The following CYB5R4 variants were observed in gnomAD, a reference collection of about 807,000 sequenced individuals.
CYB5R4 encodes N-terminal cytochrome b5 and cytochrome b5 oxidoreductase domain-containing protein.
A neutral mutation model predicts 70.2 loss-of-function variants in CYB5R4; 55 were observed. The observed-to-expected ratio is 0.78, with a 90% CI of 0.63 to 0.98. The LOEUF is 0.98. Ranked by LOEUF, CYB5R4 falls within the 50% of genes least tolerant of loss-of-function variation. The probability of loss-of-function intolerance (pLI) is 0.00; values close to 1 mark genes in which losing one functional copy is unlikely to be tolerated. For missense variants in CYB5R4, 562 were observed against 612.6 expected (o/e 0.92, Z 0.87); for synonymous variants, 197 against 199.5 (o/e 0.99, Z 0.11).
chr6:83,938,392 C>T lies in CYB5R4; in HGVS notation c.1109-1664C>T, dbSNP rs61756903. ...CTTCATTTAGGGAGGCTTGACATGG[C>T]ACAAATATTTGTGTCACTTAGAGAG... On this transcript the variant is annotated intron_variant, in intron 12 of 15. Transcript: ENST00000369681. Among the ~76,000 whole-genome samples, 696 of 152,282 alleles carry T rather than the reference C, an allele frequency of 4.6e-3. 3 individuals are homozygous for T. Among genetic ancestry groups the T allele is most frequent in the African/African-American group, 0.016 (652 of 41,546 alleles).
intron 12 of CYB5R4, among the ~76,000 whole-genome samples, chr6:83,936,768 G>A (rs1262787731): frequency 6.6e-6 from 1 of 152,014 alleles, no homozygotes; most frequent in African/African-American, 2.4e-5. Flanking sequence ...CTACTGCTTC[G>A]CAGCTTTGAA....
chr6:83,942,011 GC>G (rs1455688875), intron 14 of CYB5R4, among the ~76,000 whole-genome samples: 1 of 152,142 alleles, frequency 6.6e-6, no homozygotes, highest in Non-Finnish European at 1.5e-5. Flanking sequence ...AGTATTGTGA[GC>G]TTTGGAGAAG....
intron 2 of CYB5R4, among the ~76,000 whole-genome samples, chr6:83,886,097 C>A (rs1219442984): frequency 6.6e-6 from 1 of 152,190 alleles, no homozygotes. Flanking sequence ...CAGGCCACAT[C>A]TTGTGAGAGC....
chr6:83,915,090 C>A (rs2099465286), intron 5 of CYB5R4, among the ~76,000 whole-genome samples: 1 of 152,000 alleles, frequency 6.6e-6, no homozygotes, highest in Admixed American at 6.6e-5. Flanking sequence ...ATACACATGC[C>A]AAATAGTTTA....
rs1562823477 is a variant in CYB5R4 at position 83,859,803 on chromosome 6, G to T, written c.21G>T (p.Gln7His). The part of the protein sequence containing the change: MLNVPS[Q>H]SFPAPRSQQR... ...TGAAGATGCTGAACGTCCCTTCCCA[G>T]TCTTTCCCGGCCCCCAGGTCGCAGC... The change falls in exon 1 of 16, where the codon CAG (glutamine) becomes CAT (histidine). Residue 7 changes from glutamine (Q) to histidine (H), a missense_variant. By Grantham distance (24) the Gln-to-His change is conservative. Transcript: ENST00000369681. 6.2e-7 allele frequency: 1 copy of T among 1,613,442 alleles called. No individual in the cohort carries two copies. Among genetic ancestry groups the T allele is most frequent in the African/African-American group, 1.3e-5 (1 of 74,928 alleles).
rs572815425 is a variant in CYB5R4, at chr6:83,965,589, T to C, written c.*5711T>C. ...ACTTGCCTTGTCTCAGATGAGACTT[T>C]TGAACTGTGGACTTTTGGGTTAATG... On this transcript the variant is annotated 3_prime_UTR_variant, in exon 16 of 16. Transcript: ENST00000369681. The C allele has an allele frequency of 1.6e-4, 25 of 152,314 alleles. No homozygotes were observed. Among genetic ancestry groups the C allele is most frequent in the African/African-American group, 5.8e-4 (24 of 41,568 alleles). The allele number at this position is 152,314 out of a possible 1,614,324, so 9.4% of individuals were successfully genotyped here. A position where few individuals can be genotyped will look rare whatever the true frequency, so the allele number is the denominator to read the frequency against.
intron 1 of CYB5R4, among the ~76,000 whole-genome samples, chr6:83,860,327 A>G (rs1263598967): frequency 6.6e-6 from 1 of 151,966 alleles, no homozygotes. Flanking sequence ...AAGGATGGGG[A>G]CTTCTGGAGT....
intron 2 of CYB5R4, among the ~76,000 whole-genome samples, chr6:83,872,588 T>C (rs2099457804): frequency 6.6e-6 from 1 of 152,228 alleles, no homozygotes; most frequent in African/African-American, 2.4e-5. Flanking sequence ...CATTATCTTT[T>C]GGTTTCCCTT....
At chr6:83,912,691 G>A (rs1194133670) in intron 4 of CYB5R4, among the ~76,000 whole-genome samples, 1 of 152,242 alleles carries the variant, frequency 6.6e-6, no homozygotes, top group East Asian at 1.9e-4. Flanking sequence ...TTTCTTTTCA[G>A]AGAAGAAAGT....
chr6:83,948,113 A>G (rs2099470930), intron 14 of CYB5R4, among the ~76,000 whole-genome samples: 1 of 152,196 alleles, frequency 6.6e-6, no homozygotes, highest in African/African-American at 2.4e-5. Flanking sequence ...AAGACTTGGA[A>G]CCAACCTAAA....
chr6:83,926,338 G>A (rs779191021), intron 10 of CYB5R4: 5 of 151,582 alleles, frequency 3.3e-5, no homozygotes, highest in Non-Finnish European at 7.4e-5. Flanking sequence ...ATCTGTAAGC[G>A]TCACTTAATT....
chr6:83,923,661 T>G (rs760973657), intron 9 of CYB5R4, among the ~76,000 whole-genome samples: 3 of 152,150 alleles, frequency 2.0e-5, no homozygotes, highest in Non-Finnish European at 2.9e-5. Context: ...AAAGGTAATC[T>G]AAAATATTTT....
intron 3 of CYB5R4, among the ~76,000 whole-genome samples, chr6:83,899,297 C>G (rs531523831): frequency 4.6e-5 from 7 of 152,050 alleles, no homozygotes; most frequent in African/African-American, 1.4e-4. Context: ...AACCAGCCTT[C>G]CATCCCAGGG....
intron 2 of CYB5R4, among the ~76,000 whole-genome samples, chr6:83,888,302 C>G (rs558582264): frequency 6.6e-6 from 1 of 152,018 alleles, no homozygotes; most frequent in South Asian, 2.1e-4. Flanking sequence ...ACAGGCATAC[C>G]TTGTTTTATT....
chr6:83,944,785 A>G (rs1204374141), intron 14 of CYB5R4, among the ~76,000 whole-genome samples: 1 of 152,190 alleles, frequency 6.6e-6, no homozygotes, highest in Non-Finnish European at 1.5e-5. Flanking sequence ...AGGAGTTGCA[A>G]TCCTAGTTTC....
Position 83,859,848 on chromosome 6 carries a change from G to A in CYB5R4, c.66G>A (p.Gly22=), listed in dbSNP as rs781283645. The change falls in exon 1 of 16, where the codon GGG becomes GGA. Residue 22 remains glycine, a synonymous_variant. Coordinates refer to ENST00000369681, the MANE Select transcript of CYB5R4 (RefSeq NM_016230.4). ...PRSQQRVASG[G]RSKVPLKQGR... ...CGCAGCAGCGTGTCGCCTCCGGGGG[G>A]CGTAGCAAGGTAAGCGGGTGGCTCC... 2 of 1,612,448 alleles carry A rather than the reference G, an allele frequency of 1.2e-6. No homozygotes were observed. The highest frequency in any genetic ancestry group is 1.7e-6 in the Non-Finnish European group (2 of 1,179,516).
At chr6:83,864,382 T>C (rs916229272) in intron 2 of CYB5R4, 54 bp downstream of exon 2, 10 of 1,493,672 alleles carry the variant, frequency 6.7e-6, no homozygotes, top group East Asian at 2.3e-5. Context: ...TTTCCAATTA[T>C]GATGTTACAT....
intron 14 of CYB5R4, among the ~76,000 whole-genome samples, chr6:83,940,823 G>A (rs979481444): frequency 6.6e-6 from 1 of 152,108 alleles, no homozygotes; most frequent in Non-Finnish European, 1.5e-5. Context: ...TCACTAAGAT[G>A]CATATTGGGC....
chr6:83,943,604 A>G (rs568825886), intron 14 of CYB5R4, among the ~76,000 whole-genome samples: 158 of 152,182 alleles, frequency 1.0e-3, no homozygotes, highest in African/African-American at 3.6e-3. Flanking sequence ...ACATAACTGG[A>G]TGGATAATGA....
Sources: gnomAD v4.1 joint callset for allele counts (sites outside exome capture counted in the v4.1 genomes callset) on GRCh38, gnomAD v4.1.1 for gene constraint, MANE v1.5 for transcripts, NCBI Gene and HGNC (gene_info 2026-07-23, HGNC 2026-07-21) for gene names.